The following ZBTB20 variants were observed in gnomAD, a reference collection of about 807,000 sequenced individuals.
The protein encoded by ZBTB20 is zinc finger and BTB domain-containing protein 20.
In ZBTB20, 9 loss-of-function variants were observed where a neutral mutation model predicts 56.9. The ratio of observed to expected loss-of-function variants is 0.16; its 90% CI spans 0.10 to 0.28. The LOEUF (loss-of-function observed/expected upper bound fraction) is 0.28, where lower values mean the gene tolerates loss of function less well. Among genes scored for constraint, ZBTB20 ranks in the 10% least tolerant of loss-of-function variants. The pLI is 1.00. For synonymous variants in ZBTB20, 417 were observed against 420.7 expected (o/e 0.99, Z 0.11); for missense variants, 655 against 1,003.0 (o/e 0.65, Z 4.69).
intron 3 of ZBTB20, among the ~76,000 whole-genome samples, chr3:114,942,266 G>T (rs2076746033): frequency 6.9e-6 from 1 of 145,872 alleles, no homozygotes; most frequent in East Asian, 1.9e-4. Context: ...TATAAATAAT[G>T]TTATTTTTGG....
intron 7 of ZBTB20, among the ~76,000 whole-genome samples, chr3:114,397,122 A>G (rs2086397579): frequency 6.6e-6 from 1 of 152,126 alleles, no homozygotes; most frequent in East Asian, 1.9e-4. Flanking sequence ...CTAACTTTCT[A>G]TGTGCAGTGC....
intron 6 of ZBTB20, among the ~76,000 whole-genome samples, chr3:114,537,630 TAC>T (rs2048631080): frequency 6.6e-6 from 1 of 152,200 alleles, no homozygotes; most frequent in Non-Finnish European, 1.5e-5. Context: ...GCGATCCCAT[TAC>T]TGAGTACATA....
chr3:114,932,848 C>G (rs1383442925), intron 3 of ZBTB20, among the ~76,000 whole-genome samples: 1 of 152,212 alleles, frequency 6.6e-6, no homozygotes, highest in Non-Finnish European at 1.5e-5. Flanking sequence ...TTCCCCCACT[C>G]TTGAATCTGC....
intron 7 of ZBTB20, 124 bp from the exon 8 acceptor site, chr3:114,389,229 C>T (rs1258655461): frequency 1.3e-5 from 2 of 152,246 alleles, no homozygotes; most frequent in Non-Finnish European, 1.5e-5. Flanking sequence ...GGTTCTACAT[C>T]TTTGCACCAG....
intron 4 of ZBTB20, among the ~76,000 whole-genome samples, chr3:114,894,594 T>C (rs1484468641): frequency 1.3e-5 from 2 of 152,138 alleles, no homozygotes; most frequent in African/African-American, 4.8e-5. Flanking sequence ...ATATGACTGA[T>C]GTCCTTATAA....
intron 7 of ZBTB20, among the ~76,000 whole-genome samples, chr3:114,458,621 T>C (rs983235618): frequency 6.6e-6 from 1 of 152,144 alleles, no homozygotes; most frequent in Non-Finnish European, 1.5e-5. Flanking sequence ...AAAACTTCGA[T>C]ATTTTAGAGT....
At position 114,621,008 on chromosome 3, in the gene ZBTB20, G is replaced by A. The variant is rs76291227; in HGVS notation, c.-295+72520C>T. On this transcript the variant is annotated intron_variant, in intron 6 of 11. Coordinates refer to ENST00000675478, the MANE Select transcript of ZBTB20 (RefSeq NM_001348800.3). ...ATATTTAACATATAGTAAAATAGCT[G>A]AGAAACTAAAATGGGATCATCTGTA... 7.6e-3 allele frequency among the ~76,000 whole-genome samples: 1,152 copies of A among 152,196 alleles called. 17 individuals carry two copies. The highest frequency in any genetic ancestry group is 0.027 in the African/African-American group (1,109 of 41,530).
At chr3:114,574,579 C>A (rs2053802386) in intron 6 of ZBTB20, among the ~76,000 whole-genome samples, 1 of 152,044 alleles carries the variant, frequency 6.6e-6, no homozygotes, top group South Asian at 2.1e-4. Flanking sequence ...TTTGACTGAA[C>A]ATATATCTCA....
chr3:114,465,526 A>T (rs2092509548), intron 7 of ZBTB20, among the ~76,000 whole-genome samples: 1 of 151,910 alleles, frequency 6.6e-6, no homozygotes, highest in South Asian at 2.1e-4. Flanking sequence ...GGCCAATATG[A>T]TGAAACCCCG....
chr3:115,023,178 A>G (rs1040943168), intron 2 of ZBTB20, among the ~76,000 whole-genome samples: 1 of 150,970 alleles, frequency 6.6e-6, no homozygotes, highest in Admixed American at 6.6e-5. Context: ...TGAAACCTTA[A>G]CAGGTAGAAA....
At chr3:114,707,277 C>T (rs781541191) in intron 5 of ZBTB20, among the ~76,000 whole-genome samples, 4 of 152,110 alleles carry the variant, frequency 2.6e-5, no homozygotes, top group Non-Finnish European at 5.9e-5. Flanking sequence ...ACAATTGTCC[C>T]ACTAACTCAC....
At chr3:114,530,821 C>A (rs1270855000) in intron 6 of ZBTB20, among the ~76,000 whole-genome samples, 6 of 152,154 alleles carry the variant, frequency 3.9e-5, no homozygotes, top group Admixed American at 1.3e-4. Flanking sequence ...CTGCCCCTCC[C>A]TGAAATACTT....
chr3:114,938,781 C>T (rs866217306), intron 3 of ZBTB20, among the ~76,000 whole-genome samples: 1 of 145,358 alleles, frequency 6.9e-6, no homozygotes, highest in East Asian at 1.9e-4. Context: ...TGTAACAAAC[C>T]TGCAAATTCT....
intron 4 of ZBTB20, among the ~76,000 whole-genome samples, chr3:114,829,416 A>C (rs2073722169): frequency 6.6e-6 from 1 of 151,870 alleles, no homozygotes; most frequent in Non-Finnish European, 1.5e-5. Context: ...GAAAAAAGAA[A>C]ACATTTAGTC....
At chr3:114,476,169 T>G (rs1384454522) in intron 7 of ZBTB20, among the ~76,000 whole-genome samples, 2 of 152,138 alleles carry the variant, frequency 1.3e-5, no homozygotes, top group East Asian at 3.8e-4. Context: ...TCATAAACAT[T>G]TACTGGCTCA....
intron 3 of ZBTB20, among the ~76,000 whole-genome samples, chr3:114,930,316 T>C (rs1367027670): frequency 1.3e-5 from 2 of 152,150 alleles, no homozygotes; most frequent in Admixed American, 1.3e-4. Context: ...AATCTTACTT[T>C]ATAAAGGAGA....
intron 4 of ZBTB20, among the ~76,000 whole-genome samples, chr3:114,880,745 A>T (rs2076367194): frequency 6.6e-6 from 1 of 152,298 alleles, no homozygotes; most frequent in South Asian, 2.1e-4. Context: ...ATAATCAATT[A>T]AAAAAATCAT....
intron 5 of ZBTB20, among the ~76,000 whole-genome samples, chr3:114,788,786 A>C (rs1371855137): frequency 4.6e-5 from 7 of 152,200 alleles, no homozygotes; most frequent in South Asian, 2.1e-4. Flanking sequence ...TATTTAAAAA[A>C]GAGGTTTAAT....
At chr3:114,983,965 A>T (rs907072679) in intron 2 of ZBTB20, among the ~76,000 whole-genome samples, 6 of 151,828 alleles carry the variant, frequency 4.0e-5, no homozygotes, top group Non-Finnish European at 7.4e-5. Context: ...TTGCTATATT[A>T]TTGCCCAGTT....
Sources: allele counts gnomAD v4.1 joint callset (sites outside exome capture counted in the v4.1 genomes callset), GRCh38; gene constraint gnomAD v4.1.1; transcripts MANE v1.5; gene names NCBI Gene and HGNC (gene_info 2026-07-23, HGNC 2026-07-21).